Variants in DDB2 observed in about 807,000 individuals in gnomAD.
DDB2 encodes DNA damage-binding protein 2.
DDB2 carries 27 observed loss-of-function variants against 50.5 expected under a neutral mutation model. The ratio of observed to expected loss-of-function variants is 0.53; its 90% CI spans 0.39 to 0.74. The LOEUF is 0.74. DDB2 is among the 30% of genes least tolerant of loss of function. The probability of loss-of-function intolerance (pLI) is 0.00; values close to 1 mark genes in which losing one functional copy is unlikely to be tolerated. For missense variants in DDB2, 424 were observed against 545.6 expected, an observed-to-expected ratio of 0.78 and a Z score of 2.22; for synonymous variants, 176 against 205.5, an observed-to-expected ratio of 0.86 and a Z score of 1.23.
rs1400296493 is a variant in DDB2, at chr11:47,216,965, C to T, written c.372C>T (p.Pro124=). Residue 124 remains proline (P), a synonymous_variant, in exon 3 of 10, where the codon CCC becomes CCT. Transcript: ENST00000256996. ...ATSLAWHPTH[P]STVAVGSKGG... ...CCTTGGCGTGGCACCCAACTCACCC[C>T]AGCACCGTGGCTGTGGGTTCCAAAG... 6 of 1,613,880 alleles carry T rather than the reference C, an allele frequency of 3.7e-6. No individual in the cohort carries two copies. In the African/African-American group the frequency reaches 6.7e-5, roughly 18 times the overall value.
At chr11:47,235,111 A>AT in intron 6 of DDB2, 159 bp from the exon 7 acceptor site, 4 of 1,327,802 alleles carry the variant, frequency 3.0e-6, no homozygotes, top group South Asian at 1.2e-5. Flanking sequence ...AGTTTCCAGA[A>AT]TTTTTTTGTT....
chr11:47,229,368 G>T (rs886877311), intron 3 of DDB2, among the ~76,000 whole-genome samples: 2 of 152,276 alleles, frequency 1.3e-5, no homozygotes, highest in African/African-American at 2.4e-5. Flanking sequence ...CAGGGCTTTT[G>T]CATGGAGAGG....
chr11:47,223,483 A>T (rs1953514909), intron 3 of DDB2, among the ~76,000 whole-genome samples: 2 of 150,324 alleles, frequency 1.3e-5, no homozygotes, highest in Admixed American at 1.3e-4. Context: ...ACTGTGTCTC[A>T]AAAATAAATA....
intron 7 of DDB2, chr11:47,235,725 G>A (rs1205159908): frequency 1.2e-5 from 5 of 414,572 alleles, no homozygotes; most frequent in African/African-American, 2.0e-5. Flanking sequence ...AGTTACCTGT[G>A]TACAGTTGAC....
At chr11:47,219,714 C>A (rs1035598499) in intron 3 of DDB2, among the ~76,000 whole-genome samples, 3 of 152,186 alleles carry the variant, frequency 2.0e-5, no homozygotes, top group African/African-American at 7.2e-5. Context: ...AATTCTGCTT[C>A]AGTCCACTAT....
chr11:47,214,979 G>T lies in DDB2; in HGVS notation c.-158G>T, dbSNP rs1953378607. The T allele has an allele frequency of 1.8e-6, 2 of 1,115,722 alleles. No homozygotes were observed. Among genetic ancestry groups the T allele is most frequent in the Non-Finnish European group, 2.7e-6 (2 of 749,916 alleles). 69.1% of individuals were successfully genotyped at this position (1,115,722 alleles called of 1,614,324 possible). A position where few individuals can be genotyped will look rare whatever the true frequency, so the allele number is the denominator to read the frequency against. On this transcript the variant is annotated 5_prime_UTR_variant, in exon 1 of 10. Coordinates refer to ENST00000256996, the MANE Select transcript of DDB2 (RefSeq NM_000107.3). ...TGGGGCCGGAGCTCCAAGCTGGTTT[G>T]AACAAGCCCTGGGCATGTTTGGCGG...
chr11:47,215,949 C>G, intron 1 of DDB2: 2 of 331,616 alleles, frequency 6.0e-6, no homozygotes, highest in East Asian at 1.6e-4. Flanking sequence ...GCCATGCTGC[C>G]CTAAAATCTT....
chr11:47,238,083 G>C, intron 8 of DDB2, 55 bp from the exon 9 acceptor site: 4 of 1,611,212 alleles, frequency 2.5e-6, no homozygotes, highest in Non-Finnish European at 3.4e-6. Flanking sequence ...CAGAAATCAG[G>C]TGTCTCTGCT....
intron 3 of DDB2, among the ~76,000 whole-genome samples, chr11:47,222,043 G>C (rs1346784215): frequency 6.6e-6 from 1 of 152,122 alleles, no homozygotes; most frequent in African/African-American, 2.4e-5. Flanking sequence ...TGACATATGT[G>C]TACAACTGTG....
intron 3 of DDB2, among the ~76,000 whole-genome samples, chr11:47,230,481 G>T (rs192627432): frequency 6.6e-6 from 1 of 152,080 alleles, no homozygotes; most frequent in Admixed American, 6.6e-5. Flanking sequence ...ATTAAATTTG[G>T]TGTTAATTGC....
intron 3 of DDB2, among the ~76,000 whole-genome samples, chr11:47,228,956 C>CAAAAA (rs58216148): frequency 1.1e-5 from 1 of 94,226 alleles, no homozygotes; most frequent in African/African-American, 4.5e-5. Flanking sequence ...GACTCCATCT[C>CAAAAA]AAAAAAAAAA....
intron 3 of DDB2, among the ~76,000 whole-genome samples, chr11:47,223,577 G>C (rs540228873): frequency 1.3e-5 from 2 of 151,934 alleles, no homozygotes; most frequent in East Asian, 3.9e-4. Flanking sequence ...TCAAGAGATT[G>C]AGACCACCCT....
chr11:47,235,050 A>G lies in DDB2; in HGVS notation c.880+116A>G, dbSNP rs947243722. 4 of 1,351,962 alleles carry G rather than the reference A, an allele frequency of 3.0e-6. No individual in the cohort carries two copies. The African/African-American group carries it at 5.8e-5, about 20-fold the overall frequency. 83.7% of individuals were successfully genotyped at this position (1,351,962 alleles called of 1,614,324 possible). A position where few individuals can be genotyped will look rare whatever the true frequency, so the allele number is the denominator to read the frequency against. ...ACCTTTACCCCTGATAGCGTCTGCC[A>G]AGCTGATGTCTGGGAACCTTTGTGG... On this transcript the variant is annotated intron_variant, in intron 6 of 9. Coordinates refer to ENST00000256996, the MANE Select transcript of DDB2 (RefSeq NM_000107.3).
At position 47,237,956 on chromosome 11, in the gene DDB2, G is replaced by T. The variant is rs1246878772; in HGVS notation, c.1143G>T (p.Lys381Asn). ...TIDVFDGNSG[K>N]MMCQLYDPES... ...ACGTGTTCGATGGAAACTCAGGGAA[G>T]ATGATGTGTCAGCTCTATGACCCAG... The change falls in exon 8 of 10, where the codon AAG (lysine) becomes AAT (asparagine). Residue 381 changes from lysine to asparagine, a missense_variant. By Grantham distance (94) the Lys-to-Asn change is moderately conservative (BLOSUM62 0). Transcript: ENST00000256996. The T allele has an allele frequency of 3.1e-6, 5 of 1,614,088 alleles. No homozygotes were observed. The African/African-American group carries it at 5.3e-5, about 17-fold the overall frequency.
intron 3 of DDB2, 101 bp from the exon 4 acceptor site, chr11:47,232,713 C>T: frequency 7.5e-7 from 1 of 1,339,586 alleles, no homozygotes; most frequent in African/African-American, 1.4e-5. Context: ...CCAAGCGCTG[C>T]TCGAGGGGTG....
intron 3 of DDB2, among the ~76,000 whole-genome samples, chr11:47,225,043 G>A (rs1953537496): frequency 1.3e-5 from 2 of 151,848 alleles, no homozygotes; most frequent in South Asian, 2.1e-4. Flanking sequence ...AGGTTCAAGC[G>A]ACCCTTCTGC....
Position 47,216,957 on chromosome 11 carries a change from A to C in DDB2, c.364A>C (p.Thr122Pro). Residue 122 changes from threonine (T) to proline (P), a missense_variant, in exon 3 of 10, where the codon ACT becomes CCT. Physicochemically the swap from Thr to Pro is conservative, Grantham distance 38. Coordinates refer to ENST00000256996, the MANE Select transcript of DDB2 (RefSeq NM_000107.3). ...GGCTACATCCTTGGCGTGGCACCCAACTCACCCCAGCACCGTGGCTGTGGG... is the reference window on the plus strand; with the variant it reads ...GGCTACATCCTTGGCGTGGCACCCACCTCACCCCAGCACCGTGGCTGTGGG... ...RRATSLAWHPTHPSTVAVGSK... is the reference protein window; with the variant it reads ...RRATSLAWHPPHPSTVAVGSK... 6.2e-7 allele frequency: 1 copy of C among 1,613,932 alleles called. No homozygotes were observed. The highest frequency in any genetic ancestry group is 8.5e-7 in the Non-Finnish European group (1 of 1,179,938).
intron 3 of DDB2, 34 bp from the exon 4 acceptor site, chr11:47,232,780 C>T (rs1423538311): frequency 6.2e-7 from 1 of 1,612,352 alleles, no homozygotes; most frequent in South Asian, 1.1e-5. Context: ...CCAGGCCCAT[C>T]ATCACTCACT....
chr11:47,235,301 G>C lies in DDB2; in HGVS notation c.912G>C (p.Leu304=). The C allele has an allele frequency of 6.2e-7, 1 of 1,614,228 alleles. No homozygotes were observed. Among genetic ancestry groups the C allele is most frequent in the Non-Finnish European group, 8.5e-7 (1 of 1,180,042 alleles). ...TCAGTCCCGATGGAGCCCGGCTCCT[G>C]ACCACGGACCAGAAGAGCGAGATCC... ...ACFSPDGARL[L]TTDQKSEIRV... is the part of the protein sequence containing the mutation. Residue 304 remains leucine, a synonymous_variant, in exon 7 of 10, where the codon CTG becomes CTC. Coordinates refer to ENST00000256996, the MANE Select transcript of DDB2 (RefSeq NM_000107.3).
Sources: allele counts gnomAD v4.1 joint callset (sites outside exome capture counted in the v4.1 genomes callset), GRCh38; gene constraint gnomAD v4.1.1; transcripts MANE v1.5; gene names NCBI Gene and HGNC (gene_info 2026-07-23, HGNC 2026-07-21).